NEDD4: variants seen among roughly 807,000 people sequenced by gnomAD.
The protein encoded by NEDD4 is NEDD4 E3 ubiquitin protein ligase.
In NEDD4, 99 loss-of-function variants were observed where a neutral mutation model predicts 144.9. The ratio of observed to expected loss-of-function variants is 0.68; its 90% CI spans 0.58 to 0.81. The LOEUF is 0.81. Among genes scored for constraint, NEDD4 ranks in the 30% least tolerant of loss-of-function variants. The pLI, the probability that NEDD4 is intolerant of heterozygous loss-of-function variation, is 0.00. For missense variants in NEDD4, 985 were observed against 1,065.9 expected (o/e 0.92, Z 1.06); for synonymous variants, 318 against 350.6 (o/e 0.91, Z 1.04).
rs781714238 is a variant in NEDD4, at chr15:55,993,542, G to A, written c.14C>T (p.Ala5Val). 1.8e-5 allele frequency: 28 copies of A among 1,596,524 alleles called. No homozygotes were observed. The highest frequency in any genetic ancestry group is 4.1e-5 in the African/African-American group (3 of 72,934). Residue 5 changes from alanine to valine, a missense_variant, in exon 1 of 29, where the codon GCG becomes GTG. Physicochemically the swap from Ala to Val is moderately conservative, Grantham distance 64. Transcript: ENST00000435532. Reference sequence around the variant, plus strand: ...CTCCAGGAGCCCGAACACCTCCACCGCGCAAGTTGCCATTTCCGAACGCTT... The same window carrying A: ...CTCCAGGAGCCCGAACACCTCCACCACGCAAGTTGCCATTTCCGAACGCTT... MATCAVEVFGLLEDE... is the reference protein window; with the variant it reads MATCVVEVFGLLEDE...
chr15:55,867,073 A>G (rs772197507), intron 8 of NEDD4, among the ~76,000 whole-genome samples: 2 of 152,238 alleles, frequency 1.3e-5, no homozygotes, highest in Non-Finnish European at 2.9e-5. Flanking sequence ...TGCAAATGGT[A>G]CAAAAATCAA....
chr15:55,850,089 C>G (rs1410454180), intron 14 of NEDD4, among the ~76,000 whole-genome samples: 11 of 152,194 alleles, frequency 7.2e-5, no homozygotes, highest in African/African-American at 2.7e-4. Flanking sequence ...TGAGCCACTG[C>G]ACCCGGCCTT....
At chr15:55,964,980 T>C (rs2037488963) in intron 2 of NEDD4, among the ~76,000 whole-genome samples, 1 of 152,076 alleles carries the variant, frequency 6.6e-6, no homozygotes, top group African/African-American at 2.4e-5. Context: ...TGTGATTTCT[T>C]TGTGTACGCT....
intron 5 of NEDD4, among the ~76,000 whole-genome samples, chr15:55,879,511 A>T (rs529833962): frequency 2.6e-4 from 39 of 152,210 alleles, no homozygotes; most frequent in Non-Finnish European, 4.7e-4. Flanking sequence ...TCCAATAAAT[A>T]TTGGAATATT....
intron 4 of NEDD4, among the ~76,000 whole-genome samples, chr15:55,948,586 G>C (rs1413719281): frequency 6.6e-5 from 10 of 152,114 alleles, no homozygotes; most frequent in African/African-American, 2.2e-4. Flanking sequence ...AAACAGCATG[G>C]TACTGGTATC....
chr15:55,926,268 A>G (rs538928195), intron 4 of NEDD4, among the ~76,000 whole-genome samples: 3 of 152,264 alleles, frequency 2.0e-5, no homozygotes, highest in Admixed American at 2.0e-4. Context: ...CAACCAATGA[A>G]GCCAACCTAG....
intron 5 of NEDD4, among the ~76,000 whole-genome samples, chr15:55,875,423 G>A (rs891499388): frequency 5.3e-5 from 8 of 152,074 alleles, no homozygotes; most frequent in Non-Finnish European, 8.8e-5. Flanking sequence ...GATTTGTCTT[G>A]TCTTAGCCAC....
intron 5 of NEDD4, among the ~76,000 whole-genome samples, chr15:55,887,227 A>G (rs62043802): frequency 0.08 from 12,164 of 152,162 alleles, 630 homozygotes; most frequent in Middle Eastern, 0.15. Context: ...TTAAAAAAAG[A>G]TAAACAAAAT....
intron 12 of NEDD4, among the ~76,000 whole-genome samples, chr15:55,854,723 G>A (rs2142017431): frequency 6.6e-6 from 1 of 152,092 alleles, no homozygotes; most frequent in Admixed American, 6.5e-5. Flanking sequence ...TTAATTGTAT[G>A]ATCAAACATG....
chr15:55,914,364 T>G (rs1163832139), intron 5 of NEDD4, among the ~76,000 whole-genome samples: 4 of 151,826 alleles, frequency 2.6e-5, no homozygotes, highest in African/African-American at 9.7e-5. Flanking sequence ...AATACAGAAA[T>G]TTAAAAAATC....
At chr15:55,892,047 C>T (rs912704896) in intron 5 of NEDD4, among the ~76,000 whole-genome samples, 18 of 152,020 alleles carry the variant, frequency 1.2e-4, no homozygotes, top group Non-Finnish European at 2.2e-4. Context: ...AGGTGGATCA[C>T]CTGAGGTCAG....
intron 5 of NEDD4, among the ~76,000 whole-genome samples, chr15:55,906,109 G>A (rs1171652312): frequency 1.7e-4 from 26 of 152,120 alleles, no homozygotes; most frequent in South Asian, 6.2e-4. Context: ...TTAGAATGGC[G>A]ATCATTAAAA....
chr15:55,888,839 T>C (rs2035474578), intron 5 of NEDD4, among the ~76,000 whole-genome samples: 1 of 152,076 alleles, frequency 6.6e-6, no homozygotes, highest in Non-Finnish European at 1.5e-5. Flanking sequence ...GCCGAGAACA[T>C]ACACTGGGGA....
intron 4 of NEDD4, among the ~76,000 whole-genome samples, chr15:55,938,131 T>G (rs1348787235): frequency 1.3e-5 from 2 of 151,886 alleles, no homozygotes. Flanking sequence ...GAGGCTGAGG[T>G]GGGCAGATAA....
chr15:55,849,600 G>A (rs2033896932), intron 14 of NEDD4, among the ~76,000 whole-genome samples: 1 of 151,550 alleles, frequency 6.6e-6, no homozygotes, highest in African/African-American at 2.4e-5. Context: ...ATAACAGGAA[G>A]GTAAGCCCAA....
chr15:55,898,705 A>G (rs1012573883), intron 5 of NEDD4, among the ~76,000 whole-genome samples: 10 of 144,408 alleles, frequency 6.9e-5, no homozygotes, highest in Non-Finnish European at 1.0e-4. Flanking sequence ...GCACAATCGT[A>G]GCTCAATGCA....
At chr15:55,951,710 A>G (rs1566966405) in intron 2 of NEDD4, 121 bp from the exon 3 acceptor site, 5 of 755,270 alleles carry the variant, frequency 6.6e-6, no homozygotes, top group Non-Finnish European at 9.5e-6. Flanking sequence ...TTATTTCCTG[A>G]ATTTAAAAGT....
chr15:55,946,688 A>C (rs1368447029), intron 4 of NEDD4, among the ~76,000 whole-genome samples: 21 of 152,216 alleles, frequency 1.4e-4, no homozygotes, highest in African/African-American at 5.1e-4. Context: ...CTCCACCCCA[A>C]ATCAACAGAA....
At chr15:55,856,621 A>G (rs937288288) in intron 11 of NEDD4, among the ~76,000 whole-genome samples, 4 of 152,148 alleles carry the variant, frequency 2.6e-5, no homozygotes, top group Non-Finnish European at 5.9e-5. Flanking sequence ...GCAGGCTCAG[A>G]GCATCCTGCA....
Sources: allele counts gnomAD v4.1 joint callset (sites outside exome capture counted in the v4.1 genomes callset), GRCh38; gene constraint gnomAD v4.1.1; transcripts MANE v1.5; gene names NCBI Gene and HGNC (gene_info 2026-07-23, HGNC 2026-07-21).